CLIC5: variants seen among roughly 807,000 people sequenced by gnomAD.
CLIC5 encodes the protein CLIC family member 5.
In CLIC5, 20 loss-of-function variants were observed where a neutral mutation model predicts 24.7. That is an observed-to-expected ratio of 0.81 (90% CI 0.57 to 1.18). The LOEUF is 1.18. CLIC5 is among the 50% of genes most tolerant of loss of function. CLIC5 has a pLI of 0.00. For missense variants in CLIC5, 341 were observed against 326.1 expected (o/e 1.05, Z -0.35); for synonymous variants, 159 against 135.6 (o/e 1.17, Z -1.20).
At chr6:46,083,347 G>A (rs2127480532), upstream of CLIC5, among the ~76,000 whole-genome samples, 1 of 152,224 alleles carries the variant, frequency 6.6e-6, no homozygotes, top group East Asian at 1.9e-4. Flanking sequence ...TGCTTTTCTA[G>A]TTCTTTTAAT....
intron 1 of CLIC5, among the ~76,000 whole-genome samples, chr6:45,995,512 T>C (rs955295943): frequency 6.6e-6 from 1 of 152,226 alleles, no homozygotes; most frequent in Non-Finnish European, 1.5e-5. Flanking sequence ...GATAATTCTG[T>C]GTTCATACAA....
chr6:46,008,769 C>A (rs1766693854), intron 1 of CLIC5, among the ~76,000 whole-genome samples: 1 of 152,252 alleles, frequency 6.6e-6, no homozygotes, highest in African/African-American at 2.4e-5. Context: ...AAAAGCATTT[C>A]TTTCCTCCCT....
chr6:46,081,237 A>G (rs1252126986), upstream of CLIC5, among the ~76,000 whole-genome samples: 1 of 152,092 alleles, frequency 6.6e-6, no homozygotes, highest in Non-Finnish European at 1.5e-5. Context: ...GTGCCCCCCA[A>G]ATTCTTTTTA....
At chr6:45,897,778 A>C (rs1052321694), downstream of CLIC5, among the ~76,000 whole-genome samples, 5 of 152,134 alleles carry the variant, frequency 3.3e-5, no homozygotes, top group East Asian at 3.9e-4. Flanking sequence ...AACGCAAGCC[A>C]CTGAGAGCCA....
chr6:45,999,608 C>T (rs1057371300), intron 1 of CLIC5, among the ~76,000 whole-genome samples: 13 of 152,008 alleles, frequency 8.6e-5, no homozygotes, highest in African/African-American at 2.9e-4. Flanking sequence ...GAGAATAAGG[C>T]CAACCCCTCC....
chr6:46,128,915 T>C, the CLIC5 span, among the ~76,000 whole-genome samples: 2 of 152,216 alleles, frequency 1.3e-5, no homozygotes, highest in Non-Finnish European at 2.9e-5. Flanking sequence ...ATCATCTCCA[T>C]GGCTGCTTCC....
At chr6:46,047,117 A>G (rs746603957) in intron 1 of CLIC5, among the ~76,000 whole-genome samples, 4 of 152,230 alleles carry the variant, frequency 2.6e-5, no homozygotes, top group African/African-American at 9.6e-5. Flanking sequence ...GCCTCTTTTC[A>G]TTACAGCTTT....
chr6:46,039,973 A>T (rs1459141124), intron 1 of CLIC5, among the ~76,000 whole-genome samples: 5 of 152,354 alleles, frequency 3.3e-5, no homozygotes, highest in African/African-American at 1.2e-4. Flanking sequence ...ATAGATGTAG[A>T]TATGGATCCT....
rs190084751 is a variant in CLIC5, at chr6:46,054,699, T to C, written c.540+25004A>G. Among the ~76,000 whole-genome samples, 41 of 152,234 alleles carry C rather than the reference T, an allele frequency of 2.7e-4. No homozygotes were observed. The East Asian group carries it at 7.5e-3, about 28-fold the overall frequency. Reference sequence around the variant, plus strand: ...TAGGGCGGGGGCCTGATCCAATAGGTTTACTATCCTTTTAAGAAGAGAACC... The same window carrying C: ...TAGGGCGGGGGCCTGATCCAATAGGCTTACTATCCTTTTAAGAAGAGAACC... On this transcript the variant is annotated intron_variant, in intron 1 of 5. Coordinates refer to the CLIC5 transcript ENST00000185206.
chr6:46,072,992 T>C (rs1053388974), intron 1 of CLIC5, among the ~76,000 whole-genome samples: 1 of 152,208 alleles, frequency 6.6e-6, no homozygotes, highest in African/African-American at 2.4e-5. Flanking sequence ...AAAAATCCCC[T>C]GGATGGACAG....
intron 1 of CLIC5, among the ~76,000 whole-genome samples, chr6:46,053,894 T>C (rs973403005): frequency 2.0e-5 from 3 of 152,188 alleles, no homozygotes; most frequent in African/African-American, 7.2e-5. Flanking sequence ...GAGAACTAGA[T>C]ACCATATCAT....
rs113286919 is a variant in CLIC5 at position 45,945,925 on chromosome 6, A to G, written c.299+3331T>C. On this transcript the variant is annotated intron_variant, in intron 3 of 5. Transcript: ENST00000339561. Reference sequence around the variant, plus strand: ...ACTAAATGACATGCTGTGTAAATAGACTGTATCAGTTTACCCTCCTGAATT... The same window carrying G: ...ACTAAATGACATGCTGTGTAAATAGGCTGTATCAGTTTACCCTCCTGAATT... 3.3e-3 allele frequency among the ~76,000 whole-genome samples: 496 copies of G among 152,344 alleles called. 1 individual carries two copies. The highest frequency in any genetic ancestry group is 6.8e-3 in the Middle Eastern group (2 of 294).
intron 2 of CLIC5, 134 bp downstream of exon 2, chr6:45,955,001 C>T (rs1764595406): frequency 1.7e-6 from 1 of 588,562 alleles, no homozygotes; most frequent in Non-Finnish European, 3.0e-6. Context: ...AAGACTGGAT[C>T]CTGAGACACA....
At chr6:45,988,006 C>T (rs542147858) in intron 1 of CLIC5, among the ~76,000 whole-genome samples, 6 of 152,278 alleles carry the variant, frequency 3.9e-5, no homozygotes, top group African/African-American at 1.4e-4. Context: ...AAAGTCTTAA[C>T]TCATTCCAGT....
At chr6:45,925,920 G>C (rs958798719) in intron 4 of CLIC5, among the ~76,000 whole-genome samples, 1 of 152,266 alleles carries the variant, frequency 6.6e-6, no homozygotes, top group African/African-American at 2.4e-5. Flanking sequence ...GCATAGGTTA[G>C]CATCAACCTC....
chr6:46,090,384 A>G, the CLIC5 span, among the ~76,000 whole-genome samples: 2 of 148,300 alleles, frequency 1.3e-5, no homozygotes, highest in African/African-American at 4.9e-5. Flanking sequence ...GAGCTAGTTC[A>G]TAGATTCGTC....
the CLIC5 span, among the ~76,000 whole-genome samples, chr6:46,113,474 T>G: frequency 1.4e-3 from 213 of 152,130 alleles, no homozygotes; most frequent in African/African-American, 5.0e-3. Flanking sequence ...TATTAGGAAG[T>G]CAGGGGTTTC....
At chr6:45,892,461 G>T (rs550171709) in intron 6 of CLIC5, among the ~76,000 whole-genome samples, 110 of 152,274 alleles carry the variant, frequency 7.2e-4, no homozygotes, top group African/African-American at 2.6e-3. Context: ...GGCTTTTTGG[G>T]CTCAGTAGTC....
At chr6:45,913,698 A>T in intron 5 of CLIC5, 2 of 917,394 alleles carry the variant, frequency 2.2e-6, no homozygotes, top group Non-Finnish European at 1.4e-6. Flanking sequence ...TAGTAAGTGC[A>T]ATGATAGCAA....
Sources: gnomAD v4.1 joint callset for allele counts (sites outside exome capture counted in the v4.1 genomes callset) on GRCh38, gnomAD v4.1.1 for gene constraint, MANE v1.5 for transcripts, NCBI Gene and HGNC (gene_info 2026-07-23, HGNC 2026-07-21) for gene names.